ZC3H11A: variants seen among roughly 807,000 people sequenced by gnomAD.
The protein encoded by ZC3H11A is zinc finger CCCH domain-containing protein 11A.
Under a neutral mutation model 90.8 loss-of-function variants are expected in ZC3H11A, and 22 were observed. That is an observed-to-expected ratio of 0.24 (90% CI 0.17 to 0.35). The LOEUF (loss-of-function observed/expected upper bound fraction) is 0.35, where lower values mean the gene tolerates loss of function less well. ZC3H11A is among the 10% of genes least tolerant of loss of function. The probability of loss-of-function intolerance (pLI) is 1.00; values close to 1 mark genes in which losing one functional copy is unlikely to be tolerated. For synonymous variants in ZC3H11A, 294 were observed against 339.8 expected (o/e 0.87, Z 1.48); for missense variants, 701 against 964.9 (o/e 0.73, Z 3.62).
intron 2 of ZC3H11A, among the ~76,000 whole-genome samples, chr1:203,803,843 G>A (rs1671278236): frequency 6.6e-6 from 1 of 152,144 alleles, no homozygotes; most frequent in South Asian, 2.1e-4. Flanking sequence ...CTGGGTTCAA[G>A]CAGTCTTCCT....
Position 203,820,587 on chromosome 1 carries a change from T to C in ZC3H11A, c.174+1898T>C, listed in dbSNP as rs1678274360. 2.0e-5 allele frequency among the ~76,000 whole-genome samples: 3 copies of C among 151,950 alleles called. No homozygotes were observed. In the South Asian group the frequency reaches 6.3e-4, roughly 32 times the overall value. On this transcript the variant is annotated intron_variant, in intron 4 of 17. Coordinates refer to ENST00000367210, the MANE Select transcript of ZC3H11A (RefSeq NM_001376342.1). ...CTGCCTCCTGAGTTCATGTGATTCT[T>C]GTGCCTCAACCTCTCGAGTAGCTGG... is the stretch of plus-strand genomic sequence containing the variant.
At chr1:203,806,027 G>A (rs1008575201) in intron 2 of ZC3H11A, 17 of 543,970 alleles carry the variant, frequency 3.1e-5, no homozygotes, top group Non-Finnish European at 4.3e-5. Flanking sequence ...TCTTGGGTGC[G>A]ATTGTCCTGC....
chr1:203,851,762 A>G (rs1323385353), intron 17 of ZC3H11A, among the ~76,000 whole-genome samples: 1 of 152,072 alleles, frequency 6.6e-6, no homozygotes, highest in Non-Finnish European at 1.5e-5. Context: ...CAGGAGTTCA[A>G]GACCAGCCTG....
chr1:203,846,139 T>G (rs1216562760), intron 12 of ZC3H11A, among the ~76,000 whole-genome samples: 1 of 141,988 alleles, frequency 7.0e-6, no homozygotes, highest in South Asian at 2.5e-4. Context: ...AAAAAAAGAT[T>G]TTGAAAAGAT....
intron 4 of ZC3H11A, among the ~76,000 whole-genome samples, chr1:203,819,795 A>G (rs995726007): frequency 1.3e-5 from 2 of 150,064 alleles, no homozygotes; most frequent in Non-Finnish European, 3.0e-5. Flanking sequence ...CGGCCTCCCA[A>G]AGTGCTGGGA....
intron 2 of ZC3H11A, among the ~76,000 whole-genome samples, chr1:203,808,776 TTCG>T (rs1041316178): frequency 1.3e-5 from 2 of 152,174 alleles, no homozygotes; most frequent in Non-Finnish European, 2.9e-5. Context: ...AGTCTTCATC[TTCG>T]TCGTCGTCAT....
rs1451077890 is a variant in ZC3H11A, at chr1:203,799,959, C to G, written c.-1587-1616C>G. The G allele has an allele frequency of 6.5e-7, 1 of 1,536,116 alleles. No individual in the cohort carries two copies. The highest frequency in any genetic ancestry group is 2.0e-5 in the Admixed American group (1 of 50,992). On this transcript the variant is annotated intron_variant, in intron 1 of 17. Transcript: ENST00000367210. Reference sequence around the variant, plus strand: ...ATCTTCACCAGAGATCTGCCAAATTCCAACTTCAGAAGCTTCTTGTCCCTC... The same window carrying G: ...ATCTTCACCAGAGATCTGCCAAATTGCAACTTCAGAAGCTTCTTGTCCCTC...
chr1:203,834,740 C>T (rs774411309), intron 10 of ZC3H11A, among the ~76,000 whole-genome samples: 75 of 152,228 alleles, frequency 4.9e-4, no homozygotes, highest in Non-Finnish European at 8.2e-4. Context: ...ACCTCCACCT[C>T]CTGGGTTCAA....
At chr1:203,851,566 G>A (rs905580848) in intron 17 of ZC3H11A, among the ~76,000 whole-genome samples, 3 of 152,170 alleles carry the variant, frequency 2.0e-5, no homozygotes, top group African/African-American at 7.2e-5. Context: ...CTGACGTCAA[G>A]TGATCCACCT....
intron 1 of ZC3H11A, chr1:203,799,302 G>A (rs1314321427): frequency 1.4e-6 from 1 of 715,242 alleles, no homozygotes; most frequent in South Asian, 1.5e-5. Flanking sequence ...GGTCATTCAG[G>A]ACTTTTTCTG....
rs1028422844 is a variant in ZC3H11A, at chr1:203,802,043, T to G, written c.-1119T>G. ...ACTGGTGTTGATACAAAATAAGAAA[T>G]AAATTTTCCCTTAGATAAAGCTTTC... On this transcript the variant is annotated 5_prime_UTR_variant, in exon 2 of 18. Coordinates refer to ENST00000367210, the MANE Select transcript of ZC3H11A (RefSeq NM_001376342.1). The G allele has an allele frequency of 1.3e-5, 2 of 152,600 alleles. No individual in the cohort carries two copies. The highest frequency in any genetic ancestry group is 3.8e-4 in the East Asian group (2 of 5,206). The allele number at this position is 152,600 out of a possible 1,614,324, so 9.5% of individuals were successfully genotyped here.
intron 1 of ZC3H11A, chr1:203,798,502 C>CTGTT (rs1179457330): frequency 6.5e-6 from 10 of 1,535,976 alleles, no homozygotes; most frequent in Non-Finnish European, 8.7e-6. Context: ...GACAGTGGTG[C>CTGTT]TGTTGCAAAT....
intron 11 of ZC3H11A, among the ~76,000 whole-genome samples, chr1:203,838,660 T>C (rs1477281950): frequency 6.6e-6 from 1 of 151,980 alleles, no homozygotes; most frequent in African/African-American, 2.4e-5. Context: ...CATTGAAAGG[T>C]TATAAACAGG....
intron 1 of ZC3H11A, chr1:203,798,690 ACT>A: frequency 6.5e-7 from 1 of 1,536,146 alleles, no homozygotes; most frequent in Non-Finnish European, 8.7e-7. Flanking sequence ...AGAGCAAGGC[ACT>A]CTGATGCGTG....
At chr1:203,796,433 C>T (rs1448352687) in intron 1 of ZC3H11A, 2 of 399,022 alleles carry the variant, frequency 5.0e-6, no homozygotes, top group Non-Finnish European at 8.8e-6. Context: ...AACAGGGACA[C>T]TTCCGTTCTC....
intron 2 of ZC3H11A, among the ~76,000 whole-genome samples, chr1:203,804,341 A>T (rs1302708055): frequency 2.0e-5 from 3 of 151,606 alleles, no homozygotes; most frequent in Non-Finnish European, 4.4e-5. Flanking sequence ...TTTAGTAGAG[A>T]CGGGGTTTCA....
chr1:203,800,568 A>G, intron 1 of ZC3H11A: 1 of 1,009,042 alleles, frequency 9.9e-7, no homozygotes, highest in Non-Finnish European at 1.3e-6. Context: ...ATCTGGGGAA[A>G]CCTGAAATCA....
intron 1 of ZC3H11A, chr1:203,800,714 A>G (rs1183538401): frequency 6.4e-6 from 2 of 314,460 alleles, no homozygotes; most frequent in Non-Finnish European, 5.7e-6. Context: ...TTTAATTAAA[A>G]AAAATATAGT....
At position 203,822,138 on chromosome 1, in the gene ZC3H11A, T is replaced by C. The variant is rs548069089; in HGVS notation, c.174+3449T>C. Among the ~76,000 whole-genome samples the C allele has an allele frequency of 9.9e-4, 151 of 152,296 alleles. 1 individual carries two copies. Among genetic ancestry groups the C allele is most frequent in the African/African-American group, 3.5e-3 (147 of 41,546 alleles). ...TCCAGTTCATCAATGCCACAGGACT[T>C]AGTCTAGACTTCTCCTTTTCCATAC... On this transcript the variant is annotated intron_variant, in intron 4 of 17. Coordinates refer to ENST00000367210, the MANE Select transcript of ZC3H11A (RefSeq NM_001376342.1).
Sources: allele counts gnomAD v4.1 joint callset (sites outside exome capture counted in the v4.1 genomes callset), GRCh38; gene constraint gnomAD v4.1.1; transcripts MANE v1.5; gene names NCBI Gene and HGNC (gene_info 2026-07-23, HGNC 2026-07-21).